The following SPIRE1 variants were observed in gnomAD, a reference collection of about 807,000 sequenced individuals.
SPIRE1 encodes the protein spire type actin nucleation factor 1, also known as protein spire homolog 1.
Under a neutral mutation model 94.1 loss-of-function variants are expected in SPIRE1, and 40 were observed. The ratio of observed to expected loss-of-function variants is 0.43; its 90% CI spans 0.33 to 0.55. The LOEUF (loss-of-function observed/expected upper bound fraction) is 0.55, where lower values mean the gene tolerates loss of function less well. Among genes scored for constraint, SPIRE1 ranks in the 20% least tolerant of loss-of-function variants. The pLI, the probability that SPIRE1 is intolerant of heterozygous loss-of-function variation, is 0.06. For missense variants in SPIRE1, 838 were observed against 975.2 expected, an observed-to-expected ratio of 0.86 and a Z score of 1.87; for synonymous variants, 376 against 371.7, an observed-to-expected ratio of 1.01 and a Z score of -0.13.
At chr18:12,529,452 G>C (rs151268689) in intron 4 of SPIRE1, among the ~76,000 whole-genome samples, 81 of 152,114 alleles carry the variant, frequency 5.3e-4, no homozygotes, top group African/African-American at 1.9e-3. Flanking sequence ...GCTGAGGTAT[G>C]AAGGGTGTGA....
chr18:12,462,883 G>A (rs1216155683), intron 12 of SPIRE1, among the ~76,000 whole-genome samples: 1 of 151,850 alleles, frequency 6.6e-6, no homozygotes, highest in East Asian at 1.9e-4. Context: ...ACAAACACTG[G>A]TCAAGTTTCG....
At chr18:12,631,562 A>AC (rs1379411909) in intron 2 of SPIRE1, among the ~76,000 whole-genome samples, 1 of 150,150 alleles carries the variant, frequency 6.7e-6, no homozygotes, top group East Asian at 1.9e-4. Context: ...AAAAAAAAAA[A>AC]AAAAAAAAAA....
intron 2 of SPIRE1, among the ~76,000 whole-genome samples, chr18:12,556,192 T>G (rs761224108): frequency 5.3e-5 from 8 of 152,194 alleles, no homozygotes; most frequent in Admixed American, 5.2e-4. Context: ...TCGATGTTCA[T>G]GGATTGGAAG....
chr18:12,480,678 C>T (rs563766361), intron 9 of SPIRE1, among the ~76,000 whole-genome samples: 1 of 152,258 alleles, frequency 6.6e-6, no homozygotes, highest in African/African-American at 2.4e-5. Flanking sequence ...CGGCAAGTGG[C>T]ACCATGGTGT....
chr18:12,637,358 C>CAA (rs55649398), intron 1 of SPIRE1, among the ~76,000 whole-genome samples: 9,124 of 101,674 alleles, frequency 0.09, 433 homozygotes, highest in Middle Eastern at 0.17. Flanking sequence ...GACTCTGTCT[C>CAA]AAAAAAAAAA....
intron 4 of SPIRE1, among the ~76,000 whole-genome samples, chr18:12,518,649 T>G (rs1036738492): frequency 6.6e-6 from 1 of 151,750 alleles, no homozygotes; most frequent in Non-Finnish European, 1.5e-5. Context: ...CATCACTGCA[T>G]GAGATTACCC....
chr18:12,519,195 T>C (rs1298795612), intron 4 of SPIRE1, among the ~76,000 whole-genome samples: 1 of 152,218 alleles, frequency 6.6e-6, no homozygotes, highest in Non-Finnish European at 1.5e-5. Flanking sequence ...TCTGTACTAC[T>C]TAATTCGAAT....
intron 2 of SPIRE1, among the ~76,000 whole-genome samples, chr18:12,633,763 T>C (rs2037843476): frequency 6.6e-6 from 1 of 152,146 alleles, no homozygotes; most frequent in African/African-American, 2.4e-5. Flanking sequence ...ACTTCTTAAA[T>C]CCTTTATTTG....
intron 11 of SPIRE1, 116 bp from the exon 12 acceptor site, chr18:12,463,609 T>G (rs2031965633): frequency 2.4e-6 from 2 of 835,354 alleles, no homozygotes; most frequent in South Asian, 2.1e-5. Flanking sequence ...ATTGGAGAGA[T>G]ATTTTAAGAT....
At chr18:12,623,159 ATT>A (rs33920825) in intron 2 of SPIRE1, among the ~76,000 whole-genome samples, 1,594 of 149,246 alleles carry the variant, frequency 0.011, 7 homozygotes, top group South Asian at 0.019. Context: ...ACAAATATAC[ATT>A]TTTTTTTTTT....
At chr18:12,460,054 A>C in intron 12 of SPIRE1, 1 of 271,712 alleles carries the variant, frequency 3.7e-6, no homozygotes, top group Non-Finnish European at 5.6e-6. Context: ...AAAAAACACC[A>C]TGAGGCTGGT....
chr18:12,579,493 G>T (rs1228752567), intron 2 of SPIRE1, among the ~76,000 whole-genome samples: 1 of 152,168 alleles, frequency 6.6e-6, no homozygotes, highest in Non-Finnish European at 1.5e-5. Flanking sequence ...CAGGAAAGGG[G>T]ACTGGGAATT....
chr18:12,607,644 CTCT>C (rs2037022701), intron 2 of SPIRE1, among the ~76,000 whole-genome samples: 1 of 150,190 alleles, frequency 6.7e-6, no homozygotes, highest in Non-Finnish European at 1.5e-5. Flanking sequence ...CACACACAGT[CTCT>C]TGTTTTCTTA....
chr18:12,564,099 A>C (rs1039923961), intron 2 of SPIRE1, among the ~76,000 whole-genome samples: 31 of 152,216 alleles, frequency 2.0e-4, no homozygotes, highest in Admixed American at 1.3e-4. Flanking sequence ...GAACTAGCCA[A>C]GTTCATCCTA....
At chr18:12,506,680 T>C (rs769674739) in intron 5 of SPIRE1, 39 bp from the exon 6 acceptor site, 39 of 1,588,196 alleles carry the variant, frequency 2.5e-5, no homozygotes, top group Non-Finnish European at 3.4e-5. Flanking sequence ...AATGAATAAA[T>C]GTACTAGTTT....
intron 1 of SPIRE1, among the ~76,000 whole-genome samples, chr18:12,637,349 ACT>A (rs1359623677): frequency 1.6e-5 from 2 of 125,322 alleles, no homozygotes; most frequent in Non-Finnish European, 3.4e-5. Flanking sequence ...ACAGAGTGAG[ACT>A]CTGTCTCAAA....
intron 5 of SPIRE1, among the ~76,000 whole-genome samples, chr18:12,509,309 C>T (rs1392278070): frequency 6.6e-6 from 1 of 152,108 alleles, no homozygotes; most frequent in Non-Finnish European, 1.5e-5. Flanking sequence ...TCAGGGATGA[C>T]ACTAGTTTTC....
intron 2 of SPIRE1, among the ~76,000 whole-genome samples, chr18:12,630,368 A>G (rs1162857099): frequency 6.6e-6 from 1 of 152,200 alleles, no homozygotes; most frequent in Non-Finnish European, 1.5e-5. Context: ...TAAAATGTAA[A>G]TAATTTTTAT....
intron 2 of SPIRE1, among the ~76,000 whole-genome samples, chr18:12,592,981 G>A (rs1440417713): frequency 6.6e-6 from 1 of 152,224 alleles, no homozygotes; most frequent in African/African-American, 2.4e-5. Context: ...ACAGGCGCAA[G>A]CCACCACACC....
Sources: allele counts gnomAD v4.1 joint callset (sites outside exome capture counted in the v4.1 genomes callset), GRCh38; gene constraint gnomAD v4.1.1; transcripts MANE v1.5; gene names NCBI Gene and HGNC (gene_info 2026-07-23, HGNC 2026-07-21).